CSMD1: variants seen among roughly 807,000 people sequenced by gnomAD.
CSMD1 encodes CUB and Sushi multiple domains 1.
In CSMD1, 213 loss-of-function variants were observed where a neutral mutation model predicts 417.5. The observed-to-expected ratio is 0.51, with a 90% CI of 0.46 to 0.57. The LOEUF (loss-of-function observed/expected upper bound fraction) is 0.57. Among genes scored for constraint, CSMD1 ranks in the 20% least tolerant of loss-of-function variants. The pLI is 0.00. For missense variants in CSMD1, 6,923 were observed against 4,529.7 expected (o/e 1.53, Z -15.17); for synonymous variants, 2,862 against 1,736.8 (o/e 1.65, Z -16.11).
chr8:3,259,489 A>T lies in CSMD1; in HGVS notation c.4153+24655T>A, dbSNP rs186683750. Among the ~76,000 whole-genome samples, 470 of 152,316 alleles carry T rather than the reference A, an allele frequency of 3.1e-3. 2 individuals are homozygous for T. Among genetic ancestry groups the T allele is most frequent in the African/African-American group, 0.011 (449 of 41,568 alleles). On this transcript the variant is annotated intron_variant, in intron 26 of 69. Coordinates refer to ENST00000635120, the MANE Select transcript of CSMD1 (RefSeq NM_033225.6). ...ATTCTTAAGTATTCAAAAGAATTGAAATTTTCAGTCTGATATTAGCTTTTC... is the reference window on the plus strand; with the variant it reads ...ATTCTTAAGTATTCAAAAGAATTGATATTTTCAGTCTGATATTAGCTTTTC...
At chr8:4,713,630 C>A (rs1293508853) in intron 1 of CSMD1, among the ~76,000 whole-genome samples, 1 of 151,910 alleles carries the variant, frequency 6.6e-6, no homozygotes, top group Non-Finnish European at 1.5e-5. Flanking sequence ...TCTCACATAA[C>A]AATATAAAAA....
At chr8:3,671,920 C>T (rs1799091907) in intron 7 of CSMD1, among the ~76,000 whole-genome samples, 5 of 152,066 alleles carry the variant, frequency 3.3e-5, no homozygotes, top group Admixed American at 3.3e-4. Context: ...GTGTCGTTAG[C>T]CTGCTGGTCA....
At chr8:3,270,795 C>T (rs1801788414) in intron 26 of CSMD1, among the ~76,000 whole-genome samples, 1 of 152,132 alleles carries the variant, frequency 6.6e-6, no homozygotes, top group African/African-American at 2.4e-5. Flanking sequence ...TAAAGACATA[C>T]CCAAGACTGG....
intron 1 of CSMD1, among the ~76,000 whole-genome samples, chr8:4,707,689 C>A (rs941668732): frequency 6.6e-6 from 1 of 151,806 alleles, no homozygotes; most frequent in Admixed American, 6.6e-5. Context: ...GAGTTCCAGA[C>A]CAGCCTGCCC....
At chr8:4,682,006 T>C (rs1428435945) in intron 1 of CSMD1, among the ~76,000 whole-genome samples, 1 of 152,156 alleles carries the variant, frequency 6.6e-6, no homozygotes, top group African/African-American at 2.4e-5. Context: ...GTTTATGTCA[T>C]TTTATTGGAT....
intron 1 of CSMD1, among the ~76,000 whole-genome samples, chr8:4,848,240 G>A (rs1801257943): frequency 1.3e-5 from 2 of 152,156 alleles, no homozygotes; most frequent in African/African-American, 2.4e-5. Flanking sequence ...CTATTGGGGT[G>A]TTTCCACTTT....
At chr8:4,360,484 C>T (rs954455167) in intron 3 of CSMD1, among the ~76,000 whole-genome samples, 1 of 152,132 alleles carries the variant, frequency 6.6e-6, no homozygotes, top group African/African-American at 2.4e-5. Flanking sequence ...CTTGCACATA[C>T]TTCCTGTTCC....
At chr8:4,761,903 C>G (rs1812122029) in intron 1 of CSMD1, among the ~76,000 whole-genome samples, 1 of 98,174 alleles carries the variant, frequency 1.0e-5, no homozygotes, top group Admixed American at 1.2e-4. Context: ...ACCTATCTAT[C>G]TATCTATCAA....
At chr8:4,826,168 T>C (rs1456589911) in intron 1 of CSMD1, among the ~76,000 whole-genome samples, 1 of 152,068 alleles carries the variant, frequency 6.6e-6, no homozygotes, top group Non-Finnish European at 1.5e-5. Context: ...CAGGATCTTG[T>C]AGAGACATGA....
At chr8:4,707,255 T>G (rs796532334) in intron 1 of CSMD1, among the ~76,000 whole-genome samples, 39 of 152,268 alleles carry the variant, frequency 2.6e-4, no homozygotes, top group African/African-American at 8.9e-4. Context: ...ACAACGGTCC[T>G]AGGAGGTAAG....
intron 49 of CSMD1, among the ~76,000 whole-genome samples, chr8:3,065,561 TGATA>T (rs1177777645): frequency 1.3e-5 from 2 of 151,352 alleles, no homozygotes; most frequent in African/African-American, 4.9e-5. Flanking sequence ...GAAAGGAAAA[TGATA>T]GATGATAGAT....
At chr8:4,220,720 A>T (rs1456798434) in intron 3 of CSMD1, among the ~76,000 whole-genome samples, 1 of 152,236 alleles carries the variant, frequency 6.6e-6, no homozygotes, top group Non-Finnish European at 1.5e-5. Context: ...GCATTGAGCA[A>T]TTCACTAGCT....
chr8:4,460,076 G>GTAT (rs1563199384), intron 2 of CSMD1, among the ~76,000 whole-genome samples: 1 of 152,074 alleles, frequency 6.6e-6, no homozygotes, highest in African/African-American at 2.4e-5. Flanking sequence ...TTTCAAGGGC[G>GTAT]TATGAAACAT....
chr8:4,360,879 C>T (rs1801718319), intron 3 of CSMD1, among the ~76,000 whole-genome samples: 1 of 152,128 alleles, frequency 6.6e-6, no homozygotes, highest in Non-Finnish European at 1.5e-5. Context: ...ATTGGTAAAG[C>T]ACTGACAGGT....
At chr8:3,155,334 T>G (rs1819448834) in intron 39 of CSMD1, among the ~76,000 whole-genome samples, 1 of 147,446 alleles carries the variant, frequency 6.8e-6, no homozygotes, top group Non-Finnish European at 1.5e-5. Context: ...ATTTTTTAAT[T>G]TTTTCCTTCC....
intron 4 of CSMD1, among the ~76,000 whole-genome samples, chr8:3,998,409 C>T (rs942192453): frequency 1.3e-5 from 2 of 152,152 alleles, no homozygotes; most frequent in Non-Finnish European, 2.9e-5. Context: ...GGCAGCCTAA[C>T]AAGATTTTCA....
At chr8:4,888,946 T>C (rs1168001179) in intron 1 of CSMD1, among the ~76,000 whole-genome samples, 1 of 151,940 alleles carries the variant, frequency 6.6e-6, no homozygotes, top group Non-Finnish European at 1.5e-5. Context: ...GAAGGGAAAA[T>C]CTTTACTTAC....
intron 2 of CSMD1, among the ~76,000 whole-genome samples, chr8:4,618,639 G>C (rs540274291): frequency 6.6e-5 from 10 of 152,148 alleles, no homozygotes; most frequent in South Asian, 2.1e-4. Context: ...AATGCCTTGG[G>C]AAACCGTTAA....
rs1412352262 is a variant in CSMD1 at position 3,842,425 on chromosome 8, C to G, written c.819-88383G>C. On this transcript the variant is annotated intron_variant, in intron 5 of 69. Transcript: ENST00000635120. The stretch of plus-strand genomic sequence containing the variant: ...CTGTGCATGTCTTATAGTCTCAAGA[C>G]TATATTTTAAACAGATGTTAAATGA... 3.9e-5 allele frequency among the ~76,000 whole-genome samples: 6 copies of G among 152,102 alleles called. No homozygotes were observed. In the East Asian group the frequency reaches 1.2e-3, roughly 29 times the overall value.
Sources: allele counts gnomAD v4.1 joint callset (sites outside exome capture counted in the v4.1 genomes callset), GRCh38; gene constraint gnomAD v4.1.1; transcripts MANE v1.5; gene names NCBI Gene and HGNC (gene_info 2026-07-23, HGNC 2026-07-21).